The following CHD9 variants were observed in gnomAD, a reference collection of about 807,000 sequenced individuals.
The protein encoded by CHD9 is ATP-dependent chromatin remodeler CHD9.
In CHD9, 77 loss-of-function variants were observed where a neutral mutation model predicts 316.1. That is an observed-to-expected ratio of 0.24 (90% CI 0.20 to 0.29). The LOEUF (loss-of-function observed/expected upper bound fraction) is 0.29, where lower values mean the gene tolerates loss of function less well. CHD9 is among the 10% of genes least tolerant of loss of function. CHD9 has a pLI of 1.00. For synonymous variants in CHD9, 1,129 were observed against 1,158.3 expected, an observed-to-expected ratio of 0.97 and a Z score of 0.51; for missense variants, 2,763 against 3,438.1, an observed-to-expected ratio of 0.80 and a Z score of 4.91.
intron 24 of CHD9, among the ~76,000 whole-genome samples, chr16:53,274,718 C>T (rs572480722): frequency 6.6e-6 from 1 of 152,080 alleles, no homozygotes; most frequent in Admixed American, 6.6e-5. Context: ...TTGGCCCCCC[C>T]ACAAAGTGCT....
intron 34 of CHD9, among the ~76,000 whole-genome samples, chr16:53,313,528 G>A (rs1378499259): frequency 1.3e-5 from 2 of 152,002 alleles, no homozygotes; most frequent in South Asian, 4.1e-4. Context: ...CTGGTCTTGA[G>A]CTCCTGACCT....
At chr16:53,265,886 TA>T (rs2051617370) in intron 20 of CHD9, among the ~76,000 whole-genome samples, 1 of 151,824 alleles carries the variant, frequency 6.6e-6, no homozygotes, top group African/African-American at 2.4e-5. Context: ...ACATAAAAGC[TA>T]ATATAAGTAG....
chr16:53,100,491 CT>C (rs2036771272), intron 1 of CHD9, among the ~76,000 whole-genome samples: 1 of 134,720 alleles, frequency 7.4e-6, no homozygotes, highest in Non-Finnish European at 1.6e-5. Flanking sequence ...GGGTCTTGCT[CT>C]GTTGCCCAGG....
intron 1 of CHD9, among the ~76,000 whole-genome samples, chr16:53,061,983 G>A (rs555830037): frequency 6.6e-6 from 1 of 152,324 alleles, no homozygotes; most frequent in Admixed American, 6.5e-5. Flanking sequence ...ATGGGAAAGG[G>A]ATTTTTCCCT....
At chr16:53,152,223 T>C (rs1396291206) in intron 1 of CHD9, among the ~76,000 whole-genome samples, 1 of 152,214 alleles carries the variant, frequency 6.6e-6, no homozygotes, top group Non-Finnish European at 1.5e-5. Context: ...CTGTATTACT[T>C]AGGTTTGTGT....
chr16:53,318,112 G>A (rs989304598), intron 36 of CHD9, 100 bp from the exon 37 acceptor site: 2 of 908,604 alleles, frequency 2.2e-6, no homozygotes, highest in African/African-American at 1.7e-5. Context: ...TAACCAAAAG[G>A]TAAATGCTAT....
At chr16:53,065,066 A>G (rs928770328) in intron 1 of CHD9, among the ~76,000 whole-genome samples, 3 of 152,232 alleles carry the variant, frequency 2.0e-5, no homozygotes. Flanking sequence ...TGAAACCTCC[A>G]TGCTGACTTG....
At chr16:53,068,374 G>T (rs1484383644) in intron 1 of CHD9, among the ~76,000 whole-genome samples, 1 of 152,072 alleles carries the variant, frequency 6.6e-6, no homozygotes, top group Non-Finnish European at 1.5e-5. Flanking sequence ...CCTGCACCGA[G>T]TTGCATTCTC....
chr16:53,174,669 C>T (rs943618219), intron 2 of CHD9, among the ~76,000 whole-genome samples: 2 of 152,088 alleles, frequency 1.3e-5, no homozygotes, highest in South Asian at 2.1e-4. Context: ...AGTGCAGTGG[C>T]GCGATCATGG....
In CHD9 at chr16:53,324,451, A is replaced by G; in HGVS notation, c.8250A>G (p.Ser2750=). ...EDKKGSDSKE[S]EGKTERTESQ... ...AAAAGGGAAGTGACTCTAAGGAGTC[A>G]GAAGGAAAAACAGAAAGGACAGAGA... The change falls in exon 39 of 39, where the codon TCA becomes TCG. Residue 2750 remains serine (S), a synonymous_variant. Transcript: ENST00000447540. 6.2e-7 allele frequency: 1 copy of G among 1,614,046 alleles called. No individual in the cohort carries two copies. The highest frequency in any genetic ancestry group is 8.5e-7 in the Non-Finnish European group (1 of 1,179,892).
Position 53,214,213 on chromosome 16 carries a change from T to G in CHD9, c.1784+4400T>G, listed in dbSNP as rs2046559525. Among the ~76,000 whole-genome samples, 3 of 152,162 alleles carry G rather than the reference T, an allele frequency of 2.0e-5. No individual in the cohort carries two copies. The South Asian group carries it at 6.2e-4, about 31-fold the overall frequency. ...AACAAAACTAGCATCTATGTCCACA[T>G]GTATGTCTTTAGAGAGACATTCTTA... is the stretch of plus-strand genomic sequence containing the variant. On this transcript the variant is annotated intron_variant, in intron 3 of 38. Transcript: ENST00000447540.
intron 19 of CHD9, among the ~76,000 whole-genome samples, chr16:53,261,467 G>A (rs2051122197): frequency 7.0e-6 from 1 of 143,164 alleles, no homozygotes; most frequent in Non-Finnish European, 1.5e-5. Context: ...TCAACCTCCT[G>A]GGGTCAAGTG....
chr16:53,164,420 AT>A (rs2042130027), intron 2 of CHD9, among the ~76,000 whole-genome samples: 1 of 151,874 alleles, frequency 6.6e-6, no homozygotes, highest in South Asian at 2.1e-4. Flanking sequence ...ACAAATATAT[AT>A]TTTTTTAATT....
chr16:53,313,711 G>A (rs1232046265), intron 34 of CHD9, among the ~76,000 whole-genome samples: 1 of 72,462 alleles, frequency 1.4e-5, no homozygotes, highest in East Asian at 3.5e-4. Flanking sequence ...TTGGGAGGCC[G>A]AGGCCGAGGC....
At chr16:53,083,910 C>T in intron 1 of CHD9, among the ~76,000 whole-genome samples, 1 of 151,812 alleles carries the variant, frequency 6.6e-6, no homozygotes, top group East Asian at 1.9e-4. Context: ...ATCACTATGC[C>T]CAACTAATTT....
chr16:53,131,716 C>T (rs1312014848), intron 1 of CHD9, among the ~76,000 whole-genome samples: 1 of 152,098 alleles, frequency 6.6e-6, no homozygotes, highest in Non-Finnish European at 1.5e-5. Context: ...CAGCCTCTTT[C>T]CCTGCCCGTG....
intron 1 of CHD9, among the ~76,000 whole-genome samples, chr16:53,098,511 G>A (rs1370250354): frequency 6.6e-6 from 1 of 151,858 alleles, no homozygotes; most frequent in African/African-American, 2.4e-5. Context: ...GAAAAGCTGG[G>A]AGGCCTGAGA....
chr16:53,287,232 A>T (rs1019965692), intron 26 of CHD9, among the ~76,000 whole-genome samples: 1 of 152,096 alleles, frequency 6.6e-6, no homozygotes, highest in East Asian at 1.9e-4. Flanking sequence ...TGGCTTCCCA[A>T]AGTGCGGAGA....
Position 53,238,373 on chromosome 16 carries a change from T to A in CHD9, c.2664T>A (p.Gly888=). ...ACTGCATCTTAGCAGATGAAATGGGTCTTGGCAAAACTATTCAATCAATTA... is the reference window on the plus strand; with the variant it reads ...ACTGCATCTTAGCAGATGAAATGGGACTTGGCAAAACTATTCAATCAATTA... ...RRNCILADEM[G]LGKTIQSITF... is the part of the protein sequence containing the mutation. Residue 888 remains glycine, a synonymous_variant, in exon 12 of 39, where the codon GGT becomes GGA. Transcript: ENST00000447540. 3 of 1,612,862 alleles carry A rather than the reference T, an allele frequency of 1.9e-6. No individual in the cohort carries two copies. Among genetic ancestry groups the A allele is most frequent in the Non-Finnish European group, 2.5e-6 (3 of 1,179,276 alleles).
Sources: gnomAD v4.1 joint callset for allele counts (sites outside exome capture counted in the v4.1 genomes callset) on GRCh38, gnomAD v4.1.1 for gene constraint, MANE v1.5 for transcripts, NCBI Gene and HGNC (gene_info 2026-07-23, HGNC 2026-07-21) for gene names.